WFDC9: variants seen among roughly 807,000 people sequenced by gnomAD.
WFDC9 encodes protein WFDC9.
A neutral mutation model predicts 9.5 loss-of-function variants in WFDC9; 9 were observed. That is an observed-to-expected ratio of 0.95 (90% CI 0.57 to 1.65). The LOEUF is 1.65. Ranked by LOEUF, WFDC9 falls within the 40% of genes most tolerant of loss-of-function variation. The pLI is 0.00. For missense variants in WFDC9, 87 were observed against 106.7 expected (o/e 0.82, Z 0.81); for synonymous variants, 33 against 32.3 (o/e 1.02, Z -0.07).
chr20:45,625,279 G>A (rs1032349709), intron 1 of WFDC9, among the ~76,000 whole-genome samples: 1 of 152,106 alleles, frequency 6.6e-6, no homozygotes, highest in African/African-American at 2.4e-5. Context: ...CTGCCCTTAC[G>A]ATCCAATCAC....
chr20:45,630,904 G>C lies in WFDC9; in HGVS notation c.-153+299C>G, dbSNP rs1333314221. On this transcript the variant is annotated intron_variant, in intron 1 of 4. Transcript: ENST00000326000. ...TATCCCCAGAAATCAAAGTCTGCCAGCAGCAGCCTAAACTATATCTATGCA... is the reference window on the plus strand; with the variant it reads ...TATCCCCAGAAATCAAAGTCTGCCACCAGCAGCCTAAACTATATCTATGCA... 3 of 1,607,040 alleles carry C rather than the reference G, an allele frequency of 1.9e-6. No individual in the cohort carries two copies. The African/African-American group carries it at 4.0e-5, about 22-fold the overall frequency.
intron 3 of WFDC9, among the ~76,000 whole-genome samples, chr20:45,609,442 C>G (rs1981807805): frequency 6.6e-6 from 1 of 152,084 alleles, no homozygotes; most frequent in African/African-American, 2.4e-5. Context: ...ACCTCGTGAT[C>G]CGCCCACCTC....
chr20:45,618,648 C>T (rs917045338), intron 1 of WFDC9, among the ~76,000 whole-genome samples: 1 of 152,140 alleles, frequency 6.6e-6, no homozygotes, highest in African/African-American at 2.4e-5. Context: ...AATGACCAGT[C>T]AGAGCACACA....
At chr20:45,615,886 T>C (rs921633738) in intron 1 of WFDC9, among the ~76,000 whole-genome samples, 13 of 150,916 alleles carry the variant, frequency 8.6e-5, no homozygotes, top group African/African-American at 2.9e-4. Flanking sequence ...GTGCATACCA[T>C]AATTTTAAAA....
intron 2 of WFDC9, among the ~76,000 whole-genome samples, chr20:45,612,287 G>A (rs191898840): frequency 1.2e-4 from 18 of 151,874 alleles, no homozygotes; most frequent in African/African-American, 4.1e-4. Flanking sequence ...TGTGTGTGGA[G>A]GGAGACAGGG....
intron 2 of WFDC9, among the ~76,000 whole-genome samples, chr20:45,612,864 C>T (rs984095970): frequency 2.6e-5 from 4 of 152,168 alleles, no homozygotes; most frequent in Non-Finnish European, 5.9e-5. Context: ...ATCTACCCCC[C>T]TCATTCTCTA....
At position 45,610,251 on chromosome 20, in the gene WFDC9, A is replaced by G. The variant is rs1488999071; in HGVS notation, c.-58-12T>C. The G allele has an allele frequency of 1.5e-6, 2 of 1,354,828 alleles. No homozygotes were observed. The highest frequency in any genetic ancestry group is 2.1e-6 in the Non-Finnish European group (2 of 957,016). 83.9% of individuals were successfully genotyped at this position (1,354,828 alleles called of 1,614,324 possible). On this transcript the variant is annotated splice_polypyrimidine_tract_variant and intron_variant, in intron 2 of 4. Coordinates refer to ENST00000326000, the MANE Select transcript of WFDC9 (RefSeq NM_147198.4). ...GTCTTTTCCCAATACTGCTAGACGT[A>G]GAAAATGGATTGAGGAGAACAGGGT...
intron 1 of WFDC9, among the ~76,000 whole-genome samples, chr20:45,623,952 G>A (rs61126246): frequency 1.3e-5 from 2 of 152,072 alleles, no homozygotes; most frequent in African/African-American, 4.8e-5. Context: ...CAGCACATTG[G>A]GAGGCTGAGG....
At chr20:45,619,973 T>C (rs1483562251) in intron 1 of WFDC9, among the ~76,000 whole-genome samples, 1 of 151,386 alleles carries the variant, frequency 6.6e-6, no homozygotes, top group Non-Finnish European at 1.5e-5. Context: ...TTGCAGTGAG[T>C]CGAGATCATG....
chr20:45,617,788 T>C (rs1982005661), intron 1 of WFDC9, among the ~76,000 whole-genome samples: 1 of 152,236 alleles, frequency 6.6e-6, no homozygotes, highest in Non-Finnish European at 1.5e-5. Context: ...CATGCCTGAC[T>C]AATAGCCTAC....
chr20:45,614,783 T>C (rs1382061004), intron 1 of WFDC9, 62 bp from the exon 2 acceptor site: 3 of 152,192 alleles, frequency 2.0e-5, no homozygotes, highest in Non-Finnish European at 4.4e-5. Flanking sequence ...TGATTTTGGT[T>C]GTGACCGATT....
chr20:45,630,929 A>C, intron 1 of WFDC9: 1 of 1,612,648 alleles, frequency 6.2e-7, no homozygotes. Flanking sequence ...ATATCTATGC[A>C]AACACTTATG....
intron 3 of WFDC9, among the ~76,000 whole-genome samples, chr20:45,609,881 A>G (rs1023095291): frequency 1.8e-4 from 27 of 152,202 alleles, no homozygotes; most frequent in Non-Finnish European, 2.5e-4. Flanking sequence ...TAGACAAAAG[A>G]TACGTTCCCT....
At chr20:45,611,190 C>A (rs566182881) in intron 2 of WFDC9, among the ~76,000 whole-genome samples, 1 of 152,222 alleles carries the variant, frequency 6.6e-6, no homozygotes, top group Non-Finnish European at 1.5e-5. Context: ...TCCTACTACT[C>A]TTATTGGTCC....
At chr20:45,628,521 T>G (rs914670039) in intron 1 of WFDC9, among the ~76,000 whole-genome samples, 6 of 152,228 alleles carry the variant, frequency 3.9e-5, no homozygotes, top group Non-Finnish European at 8.8e-5. Flanking sequence ...TTTGCTAGGA[T>G]AGTTATGACA....
intron 1 of WFDC9, among the ~76,000 whole-genome samples, chr20:45,615,414 A>C (rs538404463): frequency 8.5e-5 from 13 of 152,330 alleles, no homozygotes; most frequent in Admixed American, 3.9e-4. Context: ...ACCTTCTCTC[A>C]AAGCCTGTCT....
chr20:45,621,081 T>C (rs1982087497), intron 1 of WFDC9, among the ~76,000 whole-genome samples: 1 of 152,148 alleles, frequency 6.6e-6, no homozygotes, highest in African/African-American at 2.4e-5. Context: ...TCTTCAGACA[T>C]CTATTGGATG....
intron 1 of WFDC9, among the ~76,000 whole-genome samples, chr20:45,615,034 T>C (rs1981943393): frequency 6.6e-6 from 1 of 152,210 alleles, no homozygotes; most frequent in African/African-American, 2.4e-5. Flanking sequence ...ACAGTCTACA[T>C]TGACCTTTGA....
intron 1 of WFDC9, chr20:45,629,868 G>A (rs781538816): frequency 6.2e-7 from 1 of 1,613,940 alleles, no homozygotes; most frequent in African/African-American, 1.3e-5. Context: ...GCTGCTGCAG[G>A]CCCAGGGAGG....
Sources: allele counts gnomAD v4.1 joint callset (sites outside exome capture counted in the v4.1 genomes callset), GRCh38; gene constraint gnomAD v4.1.1; transcripts MANE v1.5; gene names NCBI Gene and HGNC (gene_info 2026-07-23, HGNC 2026-07-21).